MAB21L3: variants seen among roughly 807,000 people sequenced by gnomAD.
The protein encoded by MAB21L3 is protein mab-21-like 3.
Under a neutral mutation model 37.7 loss-of-function variants are expected in MAB21L3, and 36 were observed. The ratio of observed to expected loss-of-function variants is 0.96; its 90% confidence interval spans 0.73 to 1.26. The LOEUF is 1.26. Among genes scored for constraint, MAB21L3 ranks in the 50% most tolerant of loss-of-function variants. The probability of loss-of-function intolerance (pLI) is 0.00; values close to 1 mark genes in which losing one functional copy is unlikely to be tolerated. For missense variants in MAB21L3, 430 were observed against 447.3 expected, an observed-to-expected ratio of 0.96 and a Z score of 0.35; for synonymous variants, 186 against 176.8, an observed-to-expected ratio of 1.05 and a Z score of -0.41.
rs532865974 is a variant in MAB21L3, at chr1:116,138,131, A to G, written c.*4766A>G. Among the ~76,000 whole-genome samples the G allele has an allele frequency of 7.3e-3, 1,118 of 152,332 alleles. 13 individuals carry two copies. The highest frequency in any genetic ancestry group is 0.025 in the African/African-American group (1,044 of 41,582). On this transcript the variant is annotated 3_prime_UTR_variant, in exon 8 of 8. Transcript: ENST00000369500. The stretch of plus-strand genomic sequence containing the variant: ...TAAAACTTAAAGTATGATTAAAAAA[A>G]AAAAGTACTGTAACCAAATGGTGGG...
In MAB21L3 at chr1:116,133,640, G is replaced by A. The variant is rs1291449658; in HGVS notation, c.*275G>A. 7 of 523,104 alleles carry A rather than the reference G, an allele frequency of 1.3e-5. No homozygotes were observed. In the East Asian group the frequency reaches 2.4e-4, roughly 18 times the overall value. The allele number at this position is 523,104 out of a possible 1,614,324, so 32.4% of individuals were successfully genotyped here. A position where few individuals can be genotyped will look rare whatever the true frequency, so the allele number is the denominator to read the frequency against. ...TTCCCCAGGCACAGATTTGGAACTG[G>A]TGACAGTTCTGAACTTAGTTTCCCT... On this transcript the variant is annotated 3_prime_UTR_variant, in exon 8 of 8. Transcript: ENST00000369500.
rs927270492 is a variant in MAB21L3, at chr1:116,135,112, A to T, written c.*1747A>T. 6.6e-6 allele frequency: 1 copy of T among 152,136 alleles called. No homozygotes were observed. The highest frequency in any genetic ancestry group is 2.4e-5 in the African/African-American group (1 of 41,442). The allele number at this position is 152,136 out of a possible 1,614,324, so 9.4% of individuals were successfully genotyped here. A position where few individuals can be genotyped will look rare whatever the true frequency, so the allele number is the denominator to read the frequency against. On this transcript the variant is annotated 3_prime_UTR_variant, in exon 8 of 8. Transcript: ENST00000369500. ...CACATTCAAAAGCTAGCAGAAGGCA[A>T]GAAATAACTAAAATCAGAGCAGAAC...
intron 3 of MAB21L3, among the ~76,000 whole-genome samples, chr1:116,117,444 C>T (rs1056826824): frequency 1.1e-4 from 17 of 152,030 alleles, no homozygotes; most frequent in African/African-American, 4.1e-4. Flanking sequence ...TAGCTTTATC[C>T]GTTCTTTATT....
At position 116,133,405 on chromosome 1, in the gene MAB21L3, T is replaced by C. The variant is rs1660130025; in HGVS notation, c.*40T>C. 6.4e-7 allele frequency: 1 copy of C among 1,565,906 alleles called. No homozygotes were observed. Among genetic ancestry groups the C allele is most frequent in the Non-Finnish European group, 8.8e-7 (1 of 1,136,880 alleles). ...TGGGAGGCTCTTGGACATTTTATTCTGGCTTAACATTGTTCTTTGGATGGT... is the reference window on the plus strand; with the variant it reads ...TGGGAGGCTCTTGGACATTTTATTCCGGCTTAACATTGTTCTTTGGATGGT... On this transcript the variant is annotated 3_prime_UTR_variant, in exon 8 of 8. Transcript: ENST00000369500.
chr1:116,127,465 G>T lies in MAB21L3; in HGVS notation c.482-1G>T. 6.2e-7 allele frequency: 1 copy of T among 1,613,128 alleles called. No individual in the cohort carries two copies. On this transcript the variant is annotated splice_acceptor_variant, in intron 5 of 7. Transcript: ENST00000369500. LOFTEE classifies it high-confidence loss of function. ...TTATCCATTTGGTCATTTCCCACCA[G>T]GTAAGGTCAGCCTGCTAGGAAACCG...
At chr1:116,125,909 C>T (rs549808917) in intron 5 of MAB21L3, among the ~76,000 whole-genome samples, 6 of 146,510 alleles carry the variant, frequency 4.1e-5, no homozygotes, top group Non-Finnish European at 9.2e-5. Flanking sequence ...GCTGCAGCAT[C>T]GGCTCACCTC....
chr1:116,127,572 C>G lies in MAB21L3; in HGVS notation c.588C>G (p.Thr196=). The G allele has an allele frequency of 3.7e-6, 6 of 1,614,204 alleles. No homozygotes were observed. The highest frequency in any genetic ancestry group is 5.1e-6 in the Non-Finnish European group (6 of 1,180,042). The part of the protein sequence containing the change: ...ELVPAVEIPT[T]WSKKARWPRC... ...TCCCCGCAGTGGAGATCCCCACCAC[C>G]TGGTCCAAGAAAGCCCGGTGGCCTC... is the stretch of plus-strand genomic sequence containing the variant. The change falls in exon 6 of 8, where the codon ACC becomes ACG. Residue 196 remains threonine (T), a synonymous_variant. Coordinates refer to ENST00000369500, the MANE Select transcript of MAB21L3 (RefSeq NM_152367.3).
chr1:116,126,593 A>G (rs1338577310), intron 5 of MAB21L3, among the ~76,000 whole-genome samples: 1 of 152,224 alleles, frequency 6.6e-6, no homozygotes. Flanking sequence ...AGGCATATGC[A>G]TAAATAAGGA....
At chr1:116,118,873 G>A (rs990923411) in intron 3 of MAB21L3, among the ~76,000 whole-genome samples, 1 of 152,168 alleles carries the variant, frequency 6.6e-6, no homozygotes, top group South Asian at 2.1e-4. Context: ...CCTCCAAACT[G>A]GATGAAGTAT....
Position 116,128,287 on chromosome 1 carries a change from A to G in MAB21L3, c.803A>G (p.Glu268Gly). 6.2e-7 allele frequency: 1 copy of G among 1,614,042 alleles called. No homozygotes were observed. The stretch of plus-strand genomic sequence containing the variant: ...TTTCAGGTCATGAGGCACCTGAAGG[A>G]GGACATCTGGTGCCCAGGGAACAGG... ...KCFQVMRHLK[E>G]DIWCPGNRPV... The change falls in exon 7 of 8, where the codon GAG (glutamate) becomes GGG (glycine). Residue 268 changes from glutamate to glycine, a missense_variant. Physicochemically the swap from Glu to Gly is moderately conservative, Grantham distance 98 (BLOSUM62 -2). Transcript: ENST00000369500.
In MAB21L3 at chr1:116,127,433, C is replaced by T. The variant is rs750543705; in HGVS notation, c.482-33C>T. 8 of 1,600,070 alleles carry T rather than the reference C, an allele frequency of 5.0e-6. No homozygotes were observed. In the East Asian group the frequency reaches 8.9e-5, roughly 18 times the overall value. ...ACGCTTGTAATGTGCAAACCTTTCT[C>T]TTCTCCTTATCCATTTGGTCATTTC... On this transcript the variant is annotated intron_variant, in intron 5 of 7. Transcript: ENST00000369500.
In MAB21L3 at chr1:116,134,695, A is replaced by C. The variant is rs1660165458; in HGVS notation, c.*1330A>C. On this transcript the variant is annotated 3_prime_UTR_variant, in exon 8 of 8. Coordinates refer to ENST00000369500, the MANE Select transcript of MAB21L3 (RefSeq NM_152367.3). The stretch of plus-strand genomic sequence containing the variant: ...TTTAAACAATTGTTCTGGTAACTGC[A>C]TGAAGAAGGTCTGGGGACTCACACA... 1 of 152,254 alleles carries C rather than the reference A, an allele frequency of 6.6e-6. No individual in the cohort carries two copies. The highest frequency in any genetic ancestry group is 1.5e-5 in the Non-Finnish European group (1 of 68,058). The allele number at this position is 152,254 out of a possible 1,614,324, so 9.4% of individuals were successfully genotyped here. A position where few individuals can be genotyped will look rare whatever the true frequency, so the allele number is the denominator to read the frequency against.
chr1:116,136,375 T>C lies in MAB21L3; in HGVS notation c.*3010T>C, dbSNP rs1219840651. Among the ~76,000 whole-genome samples, 2 of 152,118 alleles carry C rather than the reference T, an allele frequency of 1.3e-5. No individual in the cohort carries two copies. Among genetic ancestry groups the C allele is most frequent in the African/African-American group, 4.8e-5 (2 of 41,422 alleles). On this transcript the variant is annotated 3_prime_UTR_variant, in exon 8 of 8. Coordinates refer to ENST00000369500, the MANE Select transcript of MAB21L3 (RefSeq NM_152367.3). ...ATCATGAGTGAACTCCCATTCACAA[T>C]TGCTTCAAAGAGAATAAAATACTTA...
At chr1:116,128,002 T>C (rs994306642) in intron 6 of MAB21L3, 143 bp from the exon 7 acceptor site, 7 of 847,774 alleles carry the variant, frequency 8.3e-6, no homozygotes, top group African/African-American at 1.7e-5. Flanking sequence ...GTGGTCTCCC[T>C]GGCACCCCCT....
chr1:116,119,995 T>G (rs1659696904), intron 3 of MAB21L3, among the ~76,000 whole-genome samples: 1 of 152,078 alleles, frequency 6.6e-6, no homozygotes, highest in South Asian at 2.1e-4. Context: ...ACTGATGACA[T>G]CAGTGGGAAG....
At chr1:116,114,765 A>G (rs1659523526) in intron 3 of MAB21L3, among the ~76,000 whole-genome samples, 3 of 152,270 alleles carry the variant, frequency 2.0e-5, no homozygotes, top group Admixed American at 1.3e-4. Context: ...AGTGCTTAAT[A>G]GAATGCATGG....
rs1471177849 is a variant in MAB21L3 at position 116,112,523 on chromosome 1, T to G, written c.-93T>G. ...CTTAGTACCCAGAGACTCACATTAC[T>G]GGGAGTGCTATCTACTCACAAGTGT... On this transcript the variant is annotated 5_prime_UTR_variant, in exon 3 of 8. Coordinates refer to ENST00000369500, the MANE Select transcript of MAB21L3 (RefSeq NM_152367.3). The G allele has an allele frequency of 7.9e-6, 9 of 1,132,272 alleles. No homozygotes were observed. Among genetic ancestry groups the G allele is most frequent in the Non-Finnish European group, 9.3e-6 (7 of 755,322 alleles). 70.1% of individuals were successfully genotyped at this position (1,132,272 alleles called of 1,614,324 possible).
At chr1:116,120,547 C>T (rs6428863) in intron 3 of MAB21L3, among the ~76,000 whole-genome samples, 49,332 of 150,002 alleles carry the variant, frequency 0.33, 13,401 homozygotes, top group African/African-American at 0.75. Flanking sequence ...TGATATTATA[C>T]ATTACAATTA....
intron 2 of MAB21L3, among the ~76,000 whole-genome samples, chr1:116,112,162 G>C (rs1659439864): frequency 6.6e-6 from 1 of 152,136 alleles, no homozygotes; most frequent in Non-Finnish European, 1.5e-5. Context: ...GGAGATATAA[G>C]ATACTGAGTT....
Sources: allele counts gnomAD v4.1 joint callset (sites outside exome capture counted in the v4.1 genomes callset), GRCh38; gene constraint gnomAD v4.1.1; transcripts MANE v1.5; gene names NCBI Gene and HGNC (gene_info 2026-07-23, HGNC 2026-07-21).